RAB6A: variants seen among roughly 807,000 people sequenced by gnomAD.
The protein encoded by RAB6A is ras-related protein Rab-6A.
RAB6A carries 8 observed loss-of-function variants against 32.3 expected under a neutral mutation model. That is an observed-to-expected ratio of 0.25 (90% CI 0.15 to 0.45). RAB6A has a LOEUF of 0.45. Among genes scored for constraint, RAB6A ranks in the 20% least tolerant of loss-of-function variants. The probability of loss-of-function intolerance (pLI) is 1.00; values close to 1 mark genes in which losing one functional copy is unlikely to be tolerated. For missense variants in RAB6A, 104 were observed against 249.4 expected (o/e 0.42, Z 3.93); for synonymous variants, 73 against 82.1 (o/e 0.89, Z 0.60).
chr11:73,726,688 T>C (rs745924289), intron 2 of RAB6A, among the ~76,000 whole-genome samples: 3 of 146,310 alleles, frequency 2.1e-5, no homozygotes, highest in Non-Finnish European at 3.0e-5. Context: ...GGATGGAGGC[T>C]GCAGTGAGTC....
intron 5 of RAB6A, among the ~76,000 whole-genome samples, chr11:73,710,718 C>G (rs1228915205): frequency 6.7e-6 from 1 of 149,388 alleles, no homozygotes; most frequent in East Asian, 2.0e-4. Flanking sequence ...GCCTGGGCAA[C>G]AGAGAGAGAC....
At chr11:73,730,080 C>T (rs1329045424) in intron 2 of RAB6A, 1 of 152,220 alleles carries the variant, frequency 6.6e-6, no homozygotes. Flanking sequence ...TTTTCAATGG[C>T]AATCATCTCC....
intron 1 of RAB6A, among the ~76,000 whole-genome samples, chr11:73,734,947 GA>G (rs1946372010): frequency 6.6e-6 from 1 of 152,170 alleles, no homozygotes; most frequent in South Asian, 2.1e-4. Flanking sequence ...CCAAAAGCCT[GA>G]AATGAGAAAT....
intron 6 of RAB6A, among the ~76,000 whole-genome samples, chr11:73,692,980 AAAAAAAC>A (rs1324810820): frequency 2.1e-5 from 3 of 139,786 alleles, no homozygotes; most frequent in Non-Finnish European, 3.2e-5. Context: ...AAAACAAAAC[AAAAAAAC>A]AAAAAACAAA....
At chr11:73,688,559 T>C (rs1945496415) in intron 6 of RAB6A, among the ~76,000 whole-genome samples, 1 of 152,254 alleles carries the variant, frequency 6.6e-6, no homozygotes, top group African/African-American at 2.4e-5. Flanking sequence ...GTACTTTCTA[T>C]ATCTTGAACT....
At chr11:73,744,963 GA>G (rs1171006848) in intron 1 of RAB6A, among the ~76,000 whole-genome samples, 1 of 141,102 alleles carries the variant, frequency 7.1e-6, no homozygotes, top group Non-Finnish European at 1.5e-5. Context: ...GACAGAGCGA[GA>G]ATCCATCTCA....
intron 6 of RAB6A, among the ~76,000 whole-genome samples, chr11:73,680,054 C>T (rs1037677884): frequency 2.0e-5 from 3 of 152,116 alleles, no homozygotes; most frequent in Non-Finnish European, 2.9e-5. Flanking sequence ...GCTGAGATCA[C>T]GCCACTGCAC....
At chr11:73,706,529 T>A (rs964306650) in intron 6 of RAB6A, among the ~76,000 whole-genome samples, 6 of 150,474 alleles carry the variant, frequency 4.0e-5, no homozygotes, top group African/African-American at 9.8e-5. Flanking sequence ...AAAAAAAAAA[T>A]TATTGGTCCA....
chr11:73,744,996 G>A (rs190003855), intron 1 of RAB6A, among the ~76,000 whole-genome samples: 11 of 150,018 alleles, frequency 7.3e-5, no homozygotes, highest in African/African-American at 2.5e-4. Context: ...AAAAAAAAGA[G>A]TAAAGAGTAC....
chr11:73,699,310 G>A (rs373442048), intron 6 of RAB6A, among the ~76,000 whole-genome samples: 18 of 152,172 alleles, frequency 1.2e-4, no homozygotes, highest in Non-Finnish European at 2.6e-4. Context: ...CCAGGCTGGA[G>A]TGCAGTGGCG....
intron 1 of RAB6A, among the ~76,000 whole-genome samples, chr11:73,758,221 T>C (rs1206712375): frequency 6.6e-6 from 1 of 152,232 alleles, no homozygotes; most frequent in Non-Finnish European, 1.5e-5. Context: ...ATGGCATTAC[T>C]TGACAATATA....
chr11:73,720,903 T>C lies in RAB6A; in HGVS notation c.130-4A>G. The C allele has an allele frequency of 6.2e-7, 1 of 1,603,302 alleles. No individual in the cohort carries two copies. The highest frequency in any genetic ancestry group is 1.3e-5 in the African/African-American group (1 of 74,778). On this transcript the variant is annotated splice_polypyrimidine_tract_variant and splice_region_variant and intron_variant, in intron 2 of 7. Transcript: ENST00000336083. ...AAAAGTCAATGCCAATTGTTGCCTG[T>C]AAAACAAAACAAAGAAGTTAACAAA... is the stretch of plus-strand genomic sequence containing the variant.
At chr11:73,728,427 T>C (rs1396525898) in intron 2 of RAB6A, among the ~76,000 whole-genome samples, 1 of 152,032 alleles carries the variant, frequency 6.6e-6, no homozygotes, top group Non-Finnish European at 1.5e-5. Context: ...TTGTCCTTTA[T>C]TTTATTCAAA....
chr11:73,678,021 C>G, intron 7 of RAB6A, 59 bp from the exon 8 acceptor site: 1 of 1,555,350 alleles, frequency 6.4e-7, no homozygotes, highest in Non-Finnish European at 8.9e-7. Flanking sequence ...CTTCCAAACA[C>G]TAGCATTTCT....
intron 1 of RAB6A, among the ~76,000 whole-genome samples, chr11:73,742,707 G>A (rs1946517809): frequency 6.6e-6 from 1 of 152,172 alleles, no homozygotes; most frequent in Admixed American, 6.5e-5. Flanking sequence ...GTACTTGGGA[G>A]GCTGAGGCAG....
intron 6 of RAB6A, among the ~76,000 whole-genome samples, chr11:73,699,489 T>C (rs1435852720): frequency 2.6e-5 from 4 of 151,988 alleles, no homozygotes; most frequent in Non-Finnish European, 5.9e-5. Flanking sequence ...TTCCCTTTTT[T>C]GCCAAGGCTG....
At chr11:73,725,007 G>C (rs1946194976) in intron 2 of RAB6A, among the ~76,000 whole-genome samples, 1 of 152,212 alleles carries the variant, frequency 6.6e-6, no homozygotes, top group Non-Finnish European at 1.5e-5. Context: ...ACAAATGCCA[G>C]AGAAGATAAG....
At chr11:73,745,848 T>A (rs1946579307) in intron 1 of RAB6A, among the ~76,000 whole-genome samples, 1 of 150,514 alleles carries the variant, frequency 6.6e-6, no homozygotes, top group Non-Finnish European at 1.5e-5. Flanking sequence ...AATAAAAAAA[T>A]TAGCAGGACA....
chr11:73,693,170 C>G (rs1945602676), intron 6 of RAB6A, among the ~76,000 whole-genome samples: 1 of 151,972 alleles, frequency 6.6e-6, no homozygotes, highest in South Asian at 2.1e-4. Context: ...CGCCTGTAAT[C>G]CCAGCTACTC....
Sources: allele counts gnomAD v4.1 joint callset (sites outside exome capture counted in the v4.1 genomes callset), GRCh38; gene constraint gnomAD v4.1.1; transcripts MANE v1.5; gene names NCBI Gene and HGNC (gene_info 2026-07-23, HGNC 2026-07-21).